Variants in AKR7A2 observed in about 807,000 individuals in gnomAD.
AKR7A2 encodes aflatoxin B1 aldehyde reductase member 2.
A neutral mutation model predicts 37.3 loss-of-function variants in AKR7A2; 29 were observed. That is an observed-to-expected ratio of 0.78 (90% CI 0.58 to 1.06). The LOEUF is 1.06. AKR7A2 is among the 50% of genes least tolerant of loss of function. The probability of loss-of-function intolerance (pLI) is 0.00; values close to 1 mark genes in which losing one functional copy is unlikely to be tolerated. For missense variants in AKR7A2, 529 were observed against 497.9 expected, an observed-to-expected ratio of 1.06 and a Z score of -0.59; for synonymous variants, 228 against 217.8, an observed-to-expected ratio of 1.05 and a Z score of -0.41.
chr1:19,307,020 G>A lies in AKR7A2; in HGVS notation c.770C>T (p.Ala257Val). The change falls in exon 5 of 7, where the codon GCT becomes GTT. Residue 257 changes from alanine to valine, a missense_variant. Ala to Val is a moderately conservative substitution (Grantham distance 64). Transcript: ENST00000235835. ...GGCTCACCGATTCCTGTAGGTCTCA[G>A]CCCAGCTATTCCCAAAGAAGCGGCC... ...PVGRFFGNSWAETYRNRFWKE... is the reference protein window; with the variant it reads ...PVGRFFGNSWVETYRNRFWKE... 6.2e-7 allele frequency: 1 copy of A among 1,614,138 alleles called. No individual in the cohort carries two copies. Among genetic ancestry groups the A allele is most frequent in the African/African-American group, 1.3e-5 (1 of 75,008 alleles).
Position 19,307,386 on chromosome 1 carries a change from G to T in AKR7A2, c.616C>A (p.Gln206Lys). Reference protein sequence around the residue: ...YQGMYNATTRQVETELFPCLR... With the variant: ...YQGMYNATTRKVETELFPCLR... ...CAGGGGAAGAGCTCCGTTTCCACCTGCCGGGTGGTGGCGTTGTACATGCCC... is the reference window on the plus strand; with the variant it reads ...CAGGGGAAGAGCTCCGTTTCCACCTTCCGGGTGGTGGCGTTGTACATGCCC... The change falls in exon 4 of 7, where the codon CAG (glutamine) becomes AAG (lysine). Residue 206 changes from glutamine (Q) to lysine (K), a missense_variant. Physicochemically the swap from Gln to Lys is moderately conservative, Grantham distance 53. Transcript: ENST00000235835. The T allele has an allele frequency of 6.2e-7, 1 of 1,614,112 alleles. No homozygotes were observed. The highest frequency in any genetic ancestry group is 1.7e-5 in the Admixed American group (1 of 60,026).
At position 19,308,575 on chromosome 1, in the gene AKR7A2, C is replaced by T; in HGVS notation, c.366G>A (p.Gln122=). The T allele has an allele frequency of 6.2e-7, 1 of 1,614,208 alleles. No homozygotes were observed. Among genetic ancestry groups the T allele is most frequent in the Non-Finnish European group, 8.5e-7 (1 of 1,180,038 alleles). ...KSLKPDSVRS[Q]LETSLKRLQC... is the part of the protein sequence containing the mutation. ...GCAGCCTCTTCAATGACGTCTCCAG[C>T]TGGGACCGGACACTGTCAGGCTTTA... The change falls in exon 2 of 7, where the codon CAG becomes CAA. Residue 122 remains glutamine, a synonymous_variant. Coordinates refer to ENST00000235835, the MANE Select transcript of AKR7A2 (RefSeq NM_003689.4).
At position 19,304,210 on chromosome 1, in the gene AKR7A2, T is replaced by A. The variant is rs1424664219; in HGVS notation, c.*15A>T. On this transcript the variant is annotated 3_prime_UTR_variant, in exon 7 of 7. Transcript: ENST00000235835. ...GGTGACAGAAAAGCCTTGGGCAGCC[T>A]GAGCCATGATGGGCCTAGCGGAAGT... 5 of 1,614,230 alleles carry A rather than the reference T, an allele frequency of 3.1e-6. No individual in the cohort carries two copies. In the Admixed American group the frequency reaches 6.7e-5, roughly 22 times the overall value.
At chr1:19,306,173 G>A (rs1387660013) in intron 5 of AKR7A2, 26 bp from the exon 6 acceptor site, 1 of 1,614,156 alleles carries the variant, frequency 6.2e-7, no homozygotes, top group Non-Finnish European at 8.5e-7. Flanking sequence ...GTTAGCACAG[G>A]GGTCAGTACC....
chr1:19,304,586 C>T (rs978948210), intron 6 of AKR7A2, among the ~76,000 whole-genome samples, 200 bp from the exon 7 acceptor site: 1 of 152,134 alleles, frequency 6.6e-6, no homozygotes, highest in South Asian at 2.1e-4. Flanking sequence ...TGCCGCACGA[C>T]GCTTCCACAC....
intron 1 of AKR7A2, among the ~76,000 whole-genome samples, chr1:19,310,343 CG>C (rs532272369): frequency 7.0e-4 from 106 of 152,170 alleles, no homozygotes; most frequent in African/African-American, 2.4e-3. Context: ...GCCCCAAAGA[CG>C]GAAGCGGGGA....
chr1:19,307,536 T>C, intron 3 of AKR7A2, 126 bp from the exon 4 acceptor site: 2 of 1,012,846 alleles, frequency 2.0e-6, no homozygotes, highest in Non-Finnish European at 3.0e-6. Flanking sequence ...TCACTACTGT[T>C]AGTAGGGGAT....
intron 5 of AKR7A2, among the ~76,000 whole-genome samples, chr1:19,306,701 G>T (rs1212782032): frequency 1.3e-5 from 2 of 151,966 alleles, no homozygotes; most frequent in Non-Finnish European, 2.9e-5. Context: ...CAAAGTGCTG[G>T]GATTACAGGT....
chr1:19,303,784 C>T (rs572195233), downstream of AKR7A2, among the ~76,000 whole-genome samples: 35 of 152,242 alleles, frequency 2.3e-4, no homozygotes, highest in Middle Eastern at 0.01. Flanking sequence ...GTGAGAGACA[C>T]CTCAATGTTG....
intron 1 of AKR7A2, among the ~76,000 whole-genome samples, chr1:19,309,157 A>C (rs1272238598): frequency 6.6e-6 from 1 of 152,238 alleles, no homozygotes; most frequent in Non-Finnish European, 1.5e-5. Flanking sequence ...AAAAAACACT[A>C]TGTGAGGCTC....
chr1:19,305,989 G>A (rs1412627995), intron 6 of AKR7A2, 29 bp downstream of exon 6: 2 of 1,613,370 alleles, frequency 1.2e-6, no homozygotes, highest in South Asian at 2.2e-5. Flanking sequence ...TGGAAGGGAA[G>A]AAGCTGAGCA....
Position 19,306,091 on chromosome 1 carries a change from G to A in AKR7A2, c.845C>T (p.Ala282Val). The change falls in exon 6 of 7, where the codon GCC becomes GTC. Residue 282 changes from alanine (A) to valine (V), a missense_variant. Physicochemically the swap from Ala to Val is moderately conservative, Grantham distance 64 (BLOSUM62 0). Coordinates refer to ENST00000235835, the MANE Select transcript of AKR7A2 (RefSeq NM_003689.4). ...AIALVEKALQ[A>V]AYGASAPSVT... ...ACTGGGGGCGCTGGCGCCATATGCG[G>A]CCTGCAGGGCCTTCTCCACCAACGC... The A allele has an allele frequency of 6.2e-7, 1 of 1,614,210 alleles. No homozygotes were observed. The highest frequency in any genetic ancestry group is 8.5e-7 in the Non-Finnish European group (1 of 1,180,014).
chr1:19,306,890 G>A, intron 5 of AKR7A2, 112 bp downstream of exon 5: 3 of 931,372 alleles, frequency 3.2e-6, no homozygotes, highest in Non-Finnish European at 5.3e-6. Context: ...CAATGCAGGG[G>A]AGGAGATGCA....
intron 1 of AKR7A2, among the ~76,000 whole-genome samples, chr1:19,311,356 G>T (rs1165569164): frequency 6.6e-6 from 1 of 152,228 alleles, no homozygotes; most frequent in Non-Finnish European, 1.5e-5. Flanking sequence ...CAGCCTTACG[G>T]CATCGCCACA....
At position 19,307,486 on chromosome 1, in the gene AKR7A2, TAAAGC is replaced by T. The variant is rs1187692500; in HGVS notation, c.592-81_592-77del. ...CTGTTGCCTTCCACTTTCAAACCTC[TAAAGC>T]AACACCGGCCCAGGACTTCAGCAAT... On this transcript the variant is annotated intron_variant, in intron 3 of 6. Transcript: ENST00000235835. 7 of 1,470,714 alleles carry T rather than the reference TAAAGC, an allele frequency of 4.8e-6. No individual in the cohort carries two copies. The African/African-American group carries it at 8.4e-5, about 18-fold the overall frequency. The allele number at this position is 1,470,714 out of a possible 1,614,324, so 91.1% of individuals were successfully genotyped here.
intron 3 of AKR7A2, 57 bp downstream of exon 3, chr1:19,308,101 G>A (rs192589681): frequency 5.6e-6 from 9 of 1,606,726 alleles, no homozygotes; most frequent in Admixed American, 1.7e-5. Context: ...GGGGCAAAGA[G>A]AGCCCAGGAT....
rs1402988250 is a variant in AKR7A2, at chr1:19,304,292, G to C, written c.1013C>G (p.Ala338Gly). 1 of 1,614,060 alleles carries C rather than the reference G, an allele frequency of 6.2e-7. No homozygotes were observed. The change falls in exon 7 of 7, where the codon GCT becomes GGT. Residue 338 changes from alanine to glycine, a missense_variant. Transcript: ENST00000235835. ...AATEEGPLEP[A>G]VVDAFNQAWH... ...GGCTTGATTAAAGGCATCCACGACA[G>C]CCGGCTCCAGGGGCCCTTCCTCTGT...
chr1:19,311,583 A>G (rs1218676594), intron 1 of AKR7A2, among the ~76,000 whole-genome samples: 1 of 152,024 alleles, frequency 6.6e-6, no homozygotes, highest in Non-Finnish European at 1.5e-5. Flanking sequence ...GCGATGGGTC[A>G]GACCAGGCTG....
chr1:19,303,851 G>A (rs997365496), downstream of AKR7A2: 1 of 341,810 alleles, frequency 2.9e-6, no homozygotes. Context: ...AGGGCAGTGT[G>A]CTTCTGTGAC....
Sources: allele counts gnomAD v4.1 joint callset (sites outside exome capture counted in the v4.1 genomes callset), GRCh38; gene constraint gnomAD v4.1.1; transcripts MANE v1.5; gene names NCBI Gene and HGNC (gene_info 2026-07-23, HGNC 2026-07-21).